The following BRINP3 variants were observed in gnomAD, a reference collection of about 807,000 sequenced individuals.
BRINP3 encodes BMP/retinoic acid inducible neural specific 3, also known as BMP/retinoic acid-inducible neural-specific protein 3.
In BRINP3, 19 loss-of-function variants were observed where a neutral mutation model predicts 71.0. The ratio of observed to expected loss-of-function variants is 0.27; its 90% CI spans 0.19 to 0.39. BRINP3 has a LOEUF of 0.39. Among genes scored for constraint, BRINP3 ranks in the 10% least tolerant of loss-of-function variants. The pLI, the probability that BRINP3 is intolerant of heterozygous loss-of-function variation, is 1.00. For missense variants in BRINP3, 959 were observed against 940.8 expected (o/e 1.02, Z -0.25); for synonymous variants, 380 against 337.7 (o/e 1.13, Z -1.37).
intron 2 of BRINP3, among the ~76,000 whole-genome samples, chr1:190,397,005 T>C (rs1671623088): frequency 6.6e-6 from 1 of 151,806 alleles, no homozygotes; most frequent in Non-Finnish European, 1.5e-5. Context: ...CCATAACCAC[T>C]AGGAGGTGGA....
chr1:190,425,231 C>T (rs992138845), intron 2 of BRINP3, among the ~76,000 whole-genome samples: 1 of 151,520 alleles, frequency 6.6e-6, no homozygotes, highest in Non-Finnish European at 1.5e-5. Context: ...TAACAGTTTA[C>T]ATAGATATAA....
chr1:190,168,929 A>T (rs1335583503), intron 6 of BRINP3, among the ~76,000 whole-genome samples: 1 of 152,066 alleles, frequency 6.6e-6, no homozygotes, highest in African/African-American at 2.4e-5. Context: ...ATCAGGCACA[A>T]TTTTTCTTTC....
At chr1:190,214,458 T>C (rs1227928752) in intron 6 of BRINP3, among the ~76,000 whole-genome samples, 1 of 152,018 alleles carries the variant, frequency 6.6e-6, no homozygotes, top group Admixed American at 6.6e-5. Context: ...ACTGAATATC[T>C]TGTGATTTAG....
intron 6 of BRINP3, among the ~76,000 whole-genome samples, chr1:190,184,296 G>A (rs1336363839): frequency 1.3e-5 from 2 of 152,104 alleles, no homozygotes; most frequent in East Asian, 3.9e-4. Flanking sequence ...ATATAAATTA[G>A]TTCAGCCACT....
At chr1:190,449,349 G>A (rs1675448831) in intron 2 of BRINP3, among the ~76,000 whole-genome samples, 1 of 151,876 alleles carries the variant, frequency 6.6e-6, no homozygotes, top group Admixed American at 6.6e-5. Flanking sequence ...AAGAGACCAG[G>A]CATTCATGTG....
At chr1:190,411,035 A>T (rs1672629819) in intron 2 of BRINP3, among the ~76,000 whole-genome samples, 1 of 152,168 alleles carries the variant, frequency 6.6e-6, no homozygotes, top group African/African-American at 2.4e-5. Context: ...CAAGGTAGGA[A>T]GATATTCCTT....
At chr1:190,320,127 G>A (rs1021920015) in intron 2 of BRINP3, among the ~76,000 whole-genome samples, 1 of 151,858 alleles carries the variant, frequency 6.6e-6, no homozygotes. Flanking sequence ...TTAACACAGG[G>A]TGATTGATAT....
chr1:190,163,615 G>A (rs561754309), intron 6 of BRINP3, among the ~76,000 whole-genome samples: 3 of 149,866 alleles, frequency 2.0e-5, no homozygotes, highest in Admixed American at 6.7e-5. Flanking sequence ...ATAATAATAC[G>A]TAGTGAAATG....
intron 6 of BRINP3, among the ~76,000 whole-genome samples, chr1:190,218,505 T>C (rs1353570218): frequency 6.6e-6 from 1 of 152,100 alleles, no homozygotes; most frequent in African/African-American, 2.4e-5. Flanking sequence ...TTATTATATA[T>C]GTATATAATG....
chr1:190,146,157 C>A (rs755124651), intron 7 of BRINP3, among the ~76,000 whole-genome samples: 1 of 152,074 alleles, frequency 6.6e-6, no homozygotes, highest in Non-Finnish European at 1.5e-5. Context: ...CAATAAAGAA[C>A]TTATCCATGT....
intron 4 of BRINP3, among the ~76,000 whole-genome samples, chr1:190,261,707 G>C (rs1276941211): frequency 6.6e-6 from 1 of 152,090 alleles, no homozygotes; most frequent in Non-Finnish European, 1.5e-5. Context: ...ATTTGCTCTA[G>C]AAATTAAATA....
intron 2 of BRINP3, among the ~76,000 whole-genome samples, chr1:190,354,444 T>C (rs1668599486): frequency 6.6e-6 from 1 of 151,922 alleles, no homozygotes; most frequent in Non-Finnish European, 1.5e-5. Flanking sequence ...TATGCTGGAA[T>C]TTTTAGCAAC....
At chr1:190,323,990 A>G (rs570508557) in intron 2 of BRINP3, among the ~76,000 whole-genome samples, 4 of 152,146 alleles carry the variant, frequency 2.6e-5, no homozygotes, top group South Asian at 2.1e-4. Context: ...AACACTAGAT[A>G]AAAAATAGAA....
At chr1:190,335,073 T>A (rs895143390) in intron 2 of BRINP3, among the ~76,000 whole-genome samples, 4 of 151,802 alleles carry the variant, frequency 2.6e-5, no homozygotes, top group Non-Finnish European at 5.9e-5. Flanking sequence ...TTTCTACAAA[T>A]CTCCAGGAAA....
intron 4 of BRINP3, among the ~76,000 whole-genome samples, chr1:190,254,989 G>A (rs935219248): frequency 2.6e-5 from 4 of 151,628 alleles, no homozygotes; most frequent in Non-Finnish European, 5.9e-5. Flanking sequence ...AAGCGTTGTT[G>A]AATTTTGTCA....
At chr1:190,470,827 A>G (rs1003910047) in intron 1 of BRINP3, among the ~76,000 whole-genome samples, 1 of 151,192 alleles carries the variant, frequency 6.6e-6, no homozygotes. Context: ...TTTATGCTAT[A>G]TCTTTCAATT....
chr1:190,188,530 C>A lies in BRINP3; in HGVS notation c.962-27640G>T, dbSNP rs990101534. ...TATAGCCTTTATTTCACTAAGGTAA[C>A]TTCTTCTATACCTTATTAGTTGAGA... is the stretch of plus-strand genomic sequence containing the variant. On this transcript the variant is annotated intron_variant, in intron 6 of 7. Transcript: ENST00000367462. Among the ~76,000 whole-genome samples the A allele has an allele frequency of 3.3e-5, 5 of 152,178 alleles. No homozygotes were observed. The East Asian group carries it at 9.7e-4, about 29-fold the overall frequency.
At chr1:190,445,720 C>T (rs907778447) in intron 2 of BRINP3, among the ~76,000 whole-genome samples, 1 of 151,882 alleles carries the variant, frequency 6.6e-6, no homozygotes, top group African/African-American at 2.4e-5. Flanking sequence ...TTCAAAAGCT[C>T]CAGCAGAGTG....
intron 6 of BRINP3, among the ~76,000 whole-genome samples, chr1:190,224,477 C>A (rs895435086): frequency 6.6e-6 from 1 of 151,694 alleles, no homozygotes; most frequent in African/African-American, 2.4e-5. Context: ...ACACAAAAAT[C>A]AAATAAAAAT....
Sources: allele counts gnomAD v4.1 joint callset (sites outside exome capture counted in the v4.1 genomes callset), GRCh38; gene constraint gnomAD v4.1.1; transcripts MANE v1.5; gene names NCBI Gene and HGNC (gene_info 2026-07-23, HGNC 2026-07-21).